The following PKP1 variants were observed in gnomAD, a reference collection of about 807,000 sequenced individuals.
The protein encoded by PKP1 is plakophilin 1, also known as plakophilin-1.
A neutral mutation model predicts 76.4 loss-of-function variants in PKP1; 27 were observed. That is an observed-to-expected ratio of 0.35 (90% CI 0.26 to 0.49). PKP1 has a LOEUF of 0.49. Among genes scored for constraint, PKP1 ranks in the 20% least tolerant of loss-of-function variants. The pLI, the probability that PKP1 is intolerant of heterozygous loss-of-function variation, is 0.99. For synonymous variants in PKP1, 404 were observed against 384.2 expected (o/e 1.05, Z -0.60); for missense variants, 964 against 955.2 (o/e 1.01, Z -0.12).
chr1:201,318,739 CA>C lies in PKP1; in HGVS notation c.1177del (p.Met393CysfsTer18). 6.2e-7 allele frequency: 1 copy of C among 1,611,686 alleles called. No homozygotes were observed. The highest frequency in any genetic ancestry group is 2.2e-5 in the East Asian group (1 of 44,878). On this transcript the variant is annotated frameshift_variant, in exon 6 of 14. Transcript: ENST00000367324. LOFTEE classifies it high-confidence loss of function. ...FSGWCDGNSNMSREVVDPEVF... is the reference protein window; with the variant it reads ...FSGWCDGNSNXSREVVDPEVF... The stretch of plus-strand genomic sequence containing the variant: ...CTGGCTGGTGCGATGGCAATAGCAA[CA>C]TGTCCCGGGAAGTGGTGGACCCTGA...
At chr1:201,313,584 G>A (rs1414308966) in intron 3 of PKP1, 24 bp downstream of exon 3, 3 of 1,604,406 alleles carry the variant, frequency 1.9e-6, no homozygotes, top group Non-Finnish European at 2.6e-6. Context: ...GGCTGGGTTG[G>A]GGAGCCAGGA....
intron 5 of PKP1, 31 bp downstream of exon 5, chr1:201,317,810 T>A (rs756247538): frequency 1.3e-6 from 2 of 1,596,298 alleles, no homozygotes; most frequent in East Asian, 2.2e-5. Flanking sequence ...AGAGCCAGCC[T>A]GAGGGCTGTG....
intron 9 of PKP1, 138 bp from the exon 10 acceptor site, chr1:201,324,290 C>T: frequency 1.2e-6 from 1 of 850,320 alleles, no homozygotes; most frequent in Non-Finnish European, 1.9e-6. Context: ...CTGTAGTTGC[C>T]CACATGTGAG....
intron 1 of PKP1, among the ~76,000 whole-genome samples, chr1:201,292,995 T>G (rs1027187079): frequency 2.6e-5 from 4 of 152,180 alleles, no homozygotes; most frequent in African/African-American, 9.7e-5. Context: ...AAGGGCTTCC[T>G]GGAGTGGGTG....
chr1:201,297,153 C>A (rs1466458404), intron 2 of PKP1, among the ~76,000 whole-genome samples: 1 of 152,132 alleles, frequency 6.6e-6, no homozygotes, highest in East Asian at 1.9e-4. Flanking sequence ...TGTAGAGAGA[C>A]TTTCTTATAA....
chr1:201,289,378 G>A (rs567516928), intron 1 of PKP1, among the ~76,000 whole-genome samples: 1 of 152,298 alleles, frequency 6.6e-6, no homozygotes, highest in South Asian at 2.1e-4. Context: ...AGGACAGGTG[G>A]GCTTTATTCA....
In PKP1 at chr1:201,304,387, C is replaced by A. The variant is rs576343926; in HGVS notation, c.307-8779C>A. On this transcript the variant is annotated intron_variant, in intron 2 of 13. Coordinates refer to ENST00000367324, the MANE Select transcript of PKP1 (RefSeq NM_001005337.3). ...TAAGGGTGGCTGGAGAGGAACCAAA[C>A]AGTCACATTCCCATCACTCACTGCA... is the stretch of plus-strand genomic sequence containing the variant. 1.6e-4 allele frequency among the ~76,000 whole-genome samples: 25 copies of A among 152,340 alleles called. 1 individual carries two copies. In the South Asian group the frequency reaches 5.2e-3, roughly 32 times the overall value.
At chr1:201,297,778 T>C (rs1490248605) in intron 2 of PKP1, among the ~76,000 whole-genome samples, 1 of 152,050 alleles carries the variant, frequency 6.6e-6, no homozygotes. Context: ...TTTCCTCCCT[T>C]CCCATCCCCT....
In PKP1 at chr1:201,316,649, C is replaced by T. The variant is rs1023638713; in HGVS notation, c.798C>T (p.Ala266=). The part of the protein sequence containing the change: ...SQDEKYQAIG[A]YYIQHTCFQD... ...ATGAGAAGTACCAGGCCATTGGGGC[C>T]TATTACATCCAGCATACCTGCTTCC... is the stretch of plus-strand genomic sequence containing the variant. Residue 266 remains alanine (A), a synonymous_variant, in exon 4 of 14, where the codon GCC becomes GCT. Transcript: ENST00000367324. 1.9e-6 allele frequency: 3 copies of T among 1,613,742 alleles called. No homozygotes were observed. The highest frequency in any genetic ancestry group is 1.7e-5 in the Admixed American group (1 of 59,990).
intron 2 of PKP1, among the ~76,000 whole-genome samples, chr1:201,298,800 G>A (rs1181060608): frequency 6.6e-6 from 1 of 152,220 alleles, no homozygotes; most frequent in Non-Finnish European, 1.5e-5. Context: ...TAACTGATAT[G>A]TCTGTATTTG....
rs375682551 is a variant in PKP1 at position 201,317,749 on chromosome 1, G to A, written c.1024G>A (p.Gly342Arg). Residue 342 changes from glycine to arginine, a missense_variant, in exon 5 of 14, where the codon GGG becomes AGG. Gly to Arg is a moderately radical substitution (Grantham distance 125). Transcript: ENST00000367324. ...GGCAGTCAGCCTCCTGAGGAGAACC[G>A]GGAACGCCGAGATCCAGAAGCAGCT... ...REAVSLLRRTGNAEIQKQLTG... is the reference protein window; with the variant it reads ...REAVSLLRRTRNAEIQKQLTG... 70 of 1,613,678 alleles carry A rather than the reference G, an allele frequency of 4.3e-5. No homozygotes were observed. The highest frequency in any genetic ancestry group is 3.7e-5 in the Non-Finnish European group (44 of 1,179,902).
chr1:201,324,482 A>AT lies in PKP1; in HGVS notation c.1737dup (p.Ala580CysfsTer10). ...GCTGAAGGAAAAGGGCCTGCCACAAATTGCCCGCCTCCTGCAATCTGGCAA... is the reference window on the plus strand; with the variant it reads ...GCTGAAGGAAAAGGGCCTGCCACAAATTTGCCCGCCTCCTGCAATCTGGCAA... On this transcript the variant is annotated frameshift_variant, in exon 10 of 14. Coordinates refer to ENST00000367324, the MANE Select transcript of PKP1 (RefSeq NM_001005337.3). LOFTEE classifies it high-confidence loss of function. 1 of 1,614,110 alleles carries AT rather than the reference A, an allele frequency of 6.2e-7. No homozygotes were observed. The highest frequency in any genetic ancestry group is 2.2e-5 in the East Asian group (1 of 44,860).
intron 2 of PKP1, 43 bp from the exon 3 acceptor site, chr1:201,313,123 A>G (rs1189156423): frequency 6.2e-7 from 1 of 1,600,394 alleles, no homozygotes; most frequent in East Asian, 2.2e-5. Flanking sequence ...CAGGACCCCC[A>G]TTTAGGAACC....
intron 2 of PKP1, among the ~76,000 whole-genome samples, chr1:201,304,128 A>G (rs1461529087): frequency 1.3e-5 from 2 of 152,090 alleles, no homozygotes; most frequent in African/African-American, 4.8e-5. Context: ...ATATCTACCT[A>G]GGGTCCTAAT....
chr1:201,285,448 C>T (rs182999815), intron 1 of PKP1, among the ~76,000 whole-genome samples: 1 of 152,288 alleles, frequency 6.6e-6, no homozygotes, highest in Non-Finnish European at 1.5e-5. Context: ...AGGCTCCTCT[C>T]GTCACATTTC....
intron 1 of PKP1, among the ~76,000 whole-genome samples, chr1:201,289,432 G>A (rs1215456370): frequency 6.6e-6 from 1 of 152,224 alleles, no homozygotes; most frequent in African/African-American, 2.4e-5. Flanking sequence ...AAGGGAGACA[G>A]AGTAAGCAAG....
In PKP1 at chr1:201,318,683, G is replaced by T; in HGVS notation, c.1120G>T (p.Val374Phe). ...KEELIADALP[V>F]LADRVIIPFS... The stretch of plus-strand genomic sequence containing the variant: ...GGAACTCATTGCCGACGCCCTGCCT[G>T]TTCTGGCCGACCGCGTCATCATTCC... Residue 374 changes from valine to phenylalanine, a missense_variant, in exon 6 of 14, where the codon GTT becomes TTT. Transcript: ENST00000367324. 6.2e-7 allele frequency: 1 copy of T among 1,612,420 alleles called. No homozygotes were observed. The highest frequency in any genetic ancestry group is 8.5e-7 in the Non-Finnish European group (1 of 1,179,952).
chr1:201,295,622 G>T (rs190265007), intron 2 of PKP1, among the ~76,000 whole-genome samples: 1 of 152,312 alleles, frequency 6.6e-6, no homozygotes, highest in African/African-American at 2.4e-5. Context: ...TTACTTAAAT[G>T]ACATTACCAG....
intron 1 of PKP1, among the ~76,000 whole-genome samples, chr1:201,284,988 G>A (rs1257394): frequency 0.78 from 119,085 of 152,142 alleles, 47,602 homozygotes; most frequent in East Asian, 0.92. Context: ...TAAACACTTT[G>A]ATACAAAGGA....
Sources: gnomAD v4.1 joint callset for allele counts (sites outside exome capture counted in the v4.1 genomes callset) on GRCh38, gnomAD v4.1.1 for gene constraint, MANE v1.5 for transcripts, NCBI Gene and HGNC (gene_info 2026-07-23, HGNC 2026-07-21) for gene names.